KCNC4: variants seen among roughly 807,000 people sequenced by gnomAD.
The protein encoded by KCNC4 is voltage-gated potassium channel KCNC4.
KCNC4 carries 23 observed loss-of-function variants against 42.8 expected under a neutral mutation model. The observed-to-expected ratio is 0.54, with a 90% CI of 0.39 to 0.76. KCNC4 has a LOEUF of 0.76. KCNC4 is among the 30% of genes least tolerant of loss of function. The pLI is 0.00. For missense variants in KCNC4, 751 were observed against 898.2 expected, an observed-to-expected ratio of 0.84 and a Z score of 2.10; for synonymous variants, 422 against 393.5, an observed-to-expected ratio of 1.07 and a Z score of -0.86.
At chr1:110,281,259 C>T (rs1376435886) in intron 1 of KCNC4, among the ~76,000 whole-genome samples, 1 of 151,956 alleles carries the variant, frequency 6.6e-6, no homozygotes, top group African/African-American at 2.4e-5. Context: ...CCAGACTTGC[C>T]AGCTGCAGAC....
At chr1:110,215,999 A>T (rs376480035) in intron 1 of KCNC4, among the ~76,000 whole-genome samples, 1 of 152,124 alleles carries the variant, frequency 6.6e-6, no homozygotes, top group African/African-American at 2.4e-5. Context: ...CACTCCCCAG[A>T]ATTGGTCAAG....
chr1:110,237,328 G>T (rs1048706346), downstream of KCNC4: 1 of 151,980 alleles, frequency 6.6e-6, no homozygotes, highest in Admixed American at 6.6e-5. Context: ...TTAATACAAG[G>T]TATTGGAAAC....
At chr1:110,274,538 A>T (rs1276147751) in intron 1 of KCNC4, among the ~76,000 whole-genome samples, 1 of 152,364 alleles carries the variant, frequency 6.6e-6, no homozygotes, top group East Asian at 1.9e-4. Flanking sequence ...AGACCTAAAA[A>T]GAGCCCAAAT....
chr1:110,254,856 A>AGCAGT (rs1659303902), intron 1 of KCNC4, among the ~76,000 whole-genome samples: 16 of 152,214 alleles, frequency 1.1e-4, no homozygotes. Flanking sequence ...AGAAGGCTGC[A>AGCAGT]GCAGTGCTGT....
At chr1:110,214,126 A>T (rs544345669) in intron 1 of KCNC4, among the ~76,000 whole-genome samples, 28 of 152,344 alleles carry the variant, frequency 1.8e-4, no homozygotes, top group South Asian at 4.1e-4. Context: ...AAGTCTTCCC[A>T]GGAACCCAGG....
At chr1:110,246,726 C>A (rs1444539829) in exon 4 of KCNC4, 2 of 151,122 alleles carry the variant, frequency 1.3e-5, no homozygotes, top group African/African-American at 4.9e-5. Context: ...ACCTGTGAAT[C>A]TGCTCATCCT....
At chr1:110,235,006 A>G (rs181937716), downstream of KCNC4, 6 of 152,544 alleles carry the variant, frequency 3.9e-5, no homozygotes, top group Admixed American at 3.9e-4. Flanking sequence ...GATATGACAT[A>G]TAGTAGCGGC....
rs370634750 is a variant in KCNC4 at position 110,216,414 on chromosome 1, A to T, written c.678+4237A>T. ...CAGGGGCCAGGCTGAAGGCTGCAGG[A>T]CTCCCTGCAGGCCCTGCCCGCAGGG... On this transcript the variant is annotated intron_variant, in intron 1 of 3. Transcript: ENST00000438661. 2.6e-4 allele frequency among the ~76,000 whole-genome samples: 39 copies of T among 151,850 alleles called. 1 individual carries two copies. The East Asian group carries it at 7.2e-3, about 28-fold the overall frequency.
chr1:110,249,406 G>C (rs116067466), downstream of KCNC4, among the ~76,000 whole-genome samples: 192 of 152,320 alleles, frequency 1.3e-3, no homozygotes, highest in Non-Finnish European at 2.5e-3. Flanking sequence ...AGAAGCTGTT[G>C]ATTTGTATGC....
At chr1:110,279,792 A>ATTTT (rs746438498) in intron 1 of KCNC4, among the ~76,000 whole-genome samples, 45 of 98,570 alleles carry the variant, frequency 4.6e-4, no homozygotes, top group African/African-American at 7.5e-4. Context: ...GGCTTTAGGA[A>ATTTT]TTTTTTTTTT....
Position 110,211,814 on chromosome 1 carries a change from C to G in KCNC4, c.315C>G (p.Tyr105Ter), listed in dbSNP as rs765541885. The G allele has an allele frequency of 6.2e-7, 1 of 1,611,576 alleles. No individual in the cohort carries two copies. The highest frequency in any genetic ancestry group is 8.5e-7 in the Non-Finnish European group (1 of 1,179,802). The change falls in exon 1 of 4, where the codon TAC becomes TAG. Residue 105 changes from tyrosine (Y) to a stop codon, truncating the protein, a stop_gained. Transcript: ENST00000438661. LOFTEE classifies it high-confidence loss of function. The surrounding 1 kb of genome is among the most constrained non-coding windows in gnomAD (Gnocchi z 6.5). ...FFDRHPGVFAYVLNYYRTGKL... is the reference protein window; with the variant it reads ...FFDRHPGVFA ...ACAGGCACCCGGGCGTCTTCGCCTA[C>G]GTGCTCAACTACTACCGCACCGGCA...
chr1:110,260,115 C>A (rs1372224096), intron 1 of KCNC4, among the ~76,000 whole-genome samples: 1 of 152,168 alleles, frequency 6.6e-6, no homozygotes, highest in African/African-American at 2.4e-5. Context: ...TGTTTTTACT[C>A]CTCTCAAGAG....
intron 1 of KCNC4, among the ~76,000 whole-genome samples, chr1:110,273,260 T>G (rs1033412631): frequency 6.6e-6 from 1 of 152,216 alleles, no homozygotes; most frequent in Admixed American, 6.5e-5. Flanking sequence ...TACATAGATA[T>G]GGGCCTGACC....
chr1:110,227,560 G>A (rs61784498), intron 3 of KCNC4, among the ~76,000 whole-genome samples: 5,758 of 152,264 alleles, frequency 0.038, 174 homozygotes, highest in Middle Eastern at 0.078. Context: ...GTTCACCCCC[G>A]TGTCCTATCC....
At chr1:110,228,195 A>G (rs1049414044) in intron 3 of KCNC4, among the ~76,000 whole-genome samples, 14 of 152,202 alleles carry the variant, frequency 9.2e-5, no homozygotes, top group Non-Finnish European at 1.9e-4. Flanking sequence ...ACACAGGCCC[A>G]TGTATCAGAG....
At chr1:110,240,176 C>A (rs541781978) in exon 4 of KCNC4, 1 of 152,294 alleles carries the variant, frequency 6.6e-6, no homozygotes, top group East Asian at 1.9e-4. Context: ...CACCCTACCC[C>A]ACTCCTTCCA....
At chr1:110,260,443 C>T (rs1659404544) in intron 1 of KCNC4, among the ~76,000 whole-genome samples, 3 of 152,198 alleles carry the variant, frequency 2.0e-5, no homozygotes, top group Admixed American at 2.0e-4. Context: ...AAATGCCTAC[C>T]ATGTGTCTAT....
At chr1:110,252,046 G>A (rs1462804433), downstream of KCNC4, among the ~76,000 whole-genome samples, 1 of 152,194 alleles carries the variant, frequency 6.6e-6, no homozygotes, top group African/African-American at 2.4e-5. Context: ...AGGGAGCAAG[G>A]GGTGGGGCAG....
chr1:110,238,610 G>T (rs1019710367), downstream of KCNC4: 4 of 152,130 alleles, frequency 2.6e-5, no homozygotes, highest in African/African-American at 9.7e-5. Flanking sequence ...CCTTCCCCAT[G>T]CACTCCCTGC....
Sources: gnomAD v4.1 joint callset for allele counts (sites outside exome capture counted in the v4.1 genomes callset) on GRCh38, gnomAD v4.1.1 for gene constraint, Gnocchi (gnomAD v3.1) non-coding constraint, MANE v1.5 for transcripts, NCBI Gene and HGNC (gene_info 2026-07-23, HGNC 2026-07-21) for gene names.